The following SGCZ variants were observed in gnomAD, a reference collection of about 807,000 sequenced individuals.
SGCZ encodes the protein zeta-sarcoglycan.
Under a neutral mutation model 41.3 loss-of-function variants are expected in SGCZ, and 40 were observed. The observed-to-expected ratio is 0.97, with a 90% CI of 0.75 to 1.26. The LOEUF is 1.26. Ranked by LOEUF, SGCZ falls within the 50% of genes most tolerant of loss-of-function variation. The probability of loss-of-function intolerance (pLI) is 0.00; values close to 1 mark genes in which losing one functional copy is unlikely to be tolerated. For synonymous variants in SGCZ, 206 were observed against 137.5 expected (o/e 1.50, Z -3.49); for missense variants, 552 against 369.8 (o/e 1.49, Z -4.04).
intron 1 of SGCZ, among the ~76,000 whole-genome samples, chr8:14,566,581 G>T (rs1292141043): frequency 1.3e-5 from 2 of 152,206 alleles, no homozygotes; most frequent in Admixed American, 1.3e-4. Context: ...TTCCACCAAA[G>T]ATGAAAAAGG....
At chr8:14,452,377 G>A (rs781358089) in intron 2 of SGCZ, among the ~76,000 whole-genome samples, 118 of 152,140 alleles carry the variant, frequency 7.8e-4, no homozygotes, top group Non-Finnish European at 9.9e-4. Flanking sequence ...TATCGTAACG[G>A]TGGATACATG....
chr8:14,293,832 C>A (rs1800924332), intron 3 of SGCZ, among the ~76,000 whole-genome samples: 2 of 151,764 alleles, frequency 1.3e-5, no homozygotes, highest in African/African-American at 4.8e-5. Flanking sequence ...TATCAGTTGT[C>A]TTTAGAAGAT....
intron 5 of SGCZ, among the ~76,000 whole-genome samples, chr8:14,154,588 T>C (rs1405031781): frequency 1.3e-5 from 2 of 152,194 alleles, no homozygotes; most frequent in Non-Finnish European, 2.9e-5. Flanking sequence ...AGAAAAGTCA[T>C]GTGCATAATT....
intron 4 of SGCZ, among the ~76,000 whole-genome samples, chr8:14,179,534 G>C (rs1206217214): frequency 6.6e-6 from 1 of 152,098 alleles, no homozygotes; most frequent in African/African-American, 2.4e-5. Flanking sequence ...GCCCACCTCA[G>C]TCTCCCTGTT....
At chr8:14,928,084 A>G (rs1799811848) in intron 1 of SGCZ, among the ~76,000 whole-genome samples, 1 of 152,180 alleles carries the variant, frequency 6.6e-6, no homozygotes, top group South Asian at 2.1e-4. Context: ...AGTCCTTCCT[A>G]ACTGGCTTGT....
intron 1 of SGCZ, among the ~76,000 whole-genome samples, chr8:14,921,584 C>T (rs1417898879): frequency 1.3e-5 from 2 of 151,660 alleles, no homozygotes; most frequent in Non-Finnish European, 2.9e-5. Flanking sequence ...CATTTGCTCT[C>T]CTAGAAAAAC....
At chr8:14,380,353 T>C (rs1448870797) in intron 2 of SGCZ, among the ~76,000 whole-genome samples, 1 of 152,204 alleles carries the variant, frequency 6.6e-6, no homozygotes, top group East Asian at 1.9e-4. Flanking sequence ...TCACCTATAT[T>C]TTTCTAGTGT....
intron 1 of SGCZ, among the ~76,000 whole-genome samples, chr8:14,875,143 A>G (rs1804302232): frequency 6.6e-6 from 1 of 152,162 alleles, no homozygotes; most frequent in Non-Finnish European, 1.5e-5. Context: ...CCAGCTAGGT[A>G]GGTTTTGGTA....
chr8:14,163,413 C>CTTATAA (rs1293051693), intron 5 of SGCZ, among the ~76,000 whole-genome samples: 2 of 152,236 alleles, frequency 1.3e-5, no homozygotes, highest in East Asian at 3.9e-4. Flanking sequence ...TAAATGAGAA[C>CTTATAA]ATGTGGTGTT....
Position 14,862,559 on chromosome 8 carries a change from TATATATATATATATATATATATAC to T in SGCZ, c.40-307657_40-307634del, listed in dbSNP as rs1385395522. Among the ~76,000 whole-genome samples the T allele has an allele frequency of 2.2e-5, 3 of 138,326 alleles. No individual in the cohort carries two copies. The East Asian group carries it at 6.5e-4, about 30-fold the overall frequency. 90.7% of individuals were successfully genotyped at this position (138,326 alleles called of 152,430 possible). A position where few individuals can be genotyped will look rare whatever the true frequency, so the allele number is the denominator to read the frequency against. On this transcript the variant is annotated intron_variant, in intron 1 of 7. Coordinates refer to ENST00000382080, the MANE Select transcript of SGCZ (RefSeq NM_139167.4). ...AGATATATATATATATATATATATATATATATATATATATATATATATACACACACAATTGCAAAACATACATTT... is the reference window on the plus strand; with the variant it reads ...AGATATATATATATATATATATATATACACACAATTGCAAAACATACATTT...
chr8:14,360,332 A>AT lies in SGCZ; in HGVS notation c.235-36129dup, dbSNP rs535714128. Among the ~76,000 whole-genome samples, 658 of 146,698 alleles carry AT rather than the reference A, an allele frequency of 4.5e-3. 3 individuals carry two copies. Among genetic ancestry groups the AT allele is most frequent in the South Asian group, 0.019 (85 of 4,562 alleles). On this transcript the variant is annotated intron_variant, in intron 2 of 7. Coordinates refer to ENST00000382080, the MANE Select transcript of SGCZ (RefSeq NM_139167.4). The stretch of plus-strand genomic sequence containing the variant: ...CCAATTCAGTTTCCAAAAATTTGTA[A>AT]TTTTTTTTTTTTTCTTTTTGAGACA...
At chr8:14,121,023 C>T (rs1802680461) in intron 5 of SGCZ, among the ~76,000 whole-genome samples, 1 of 152,000 alleles carries the variant, frequency 6.6e-6, no homozygotes, top group Non-Finnish European at 1.5e-5. Flanking sequence ...GTCCAGATAA[C>T]AAGTATTATT....
At chr8:14,905,579 A>G (rs1799097601) in intron 1 of SGCZ, among the ~76,000 whole-genome samples, 2 of 152,100 alleles carry the variant, frequency 1.3e-5, no homozygotes, top group South Asian at 2.1e-4. Flanking sequence ...AGTGCACCAG[A>G]GAAAAATCTC....
At chr8:14,537,159 T>C (rs987873621) in intron 2 of SGCZ, among the ~76,000 whole-genome samples, 2 of 151,894 alleles carry the variant, frequency 1.3e-5, no homozygotes, top group African/African-American at 4.8e-5. Context: ...AGCTCTGCAA[T>C]AGAGTTATCT....
intron 2 of SGCZ, among the ~76,000 whole-genome samples, chr8:14,547,477 C>T (rs1057452936): frequency 2.0e-5 from 3 of 152,046 alleles, no homozygotes; most frequent in Non-Finnish European, 2.9e-5. Flanking sequence ...CTTTTTTATG[C>T]CTTCATCAAG....
At chr8:14,228,304 T>A (rs1166658082) in intron 4 of SGCZ, among the ~76,000 whole-genome samples, 1 of 152,092 alleles carries the variant, frequency 6.6e-6, no homozygotes, top group East Asian at 1.9e-4. Context: ...AGCTATAGAC[T>A]CATTAATTTC....
At chr8:14,248,859 TAATTTC>T (rs1229106990) in intron 3 of SGCZ, among the ~76,000 whole-genome samples, 1 of 152,150 alleles carries the variant, frequency 6.6e-6, no homozygotes, top group Non-Finnish European at 1.5e-5. Context: ...TGCTGTAACT[TAATTTC>T]TATAGAAACA....
intron 1 of SGCZ, among the ~76,000 whole-genome samples, chr8:15,137,971 C>T (rs1055072205): frequency 3.9e-5 from 6 of 152,120 alleles, no homozygotes; most frequent in African/African-American, 1.4e-4. Context: ...ATGCCACAGA[C>T]GCTCAAAGCC....
intron 1 of SGCZ, among the ~76,000 whole-genome samples, chr8:14,758,534 AC>A (rs201054502): frequency 0.013 from 2,043 of 152,248 alleles, 37 homozygotes; most frequent in African/African-American, 0.035. Context: ...GAAATCTGGG[AC>A]ACCGATCAAA....
Sources: allele counts gnomAD v4.1 joint callset (sites outside exome capture counted in the v4.1 genomes callset), GRCh38; gene constraint gnomAD v4.1.1; transcripts MANE v1.5; gene names NCBI Gene and HGNC (gene_info 2026-07-23, HGNC 2026-07-21).